ATP9A: variants seen among roughly 807,000 people sequenced by gnomAD.
The protein encoded by ATP9A is ATPase phospholipid transporting 9A.
In ATP9A, 52 loss-of-function variants were observed where a neutral mutation model predicts 144.1. The observed-to-expected ratio is 0.36, with a 90% CI of 0.29 to 0.45. The LOEUF is 0.45. ATP9A is among the 20% of genes least tolerant of loss of function. The pLI, the probability that ATP9A is intolerant of heterozygous loss-of-function variation, is 1.00. For missense variants in ATP9A, 947 were observed against 1,392.7 expected (o/e 0.68, Z 5.09); for synonymous variants, 582 against 557.4 (o/e 1.04, Z -0.62).
At chr20:51,648,408 G>C (rs564348116) in intron 14 of ATP9A, among the ~76,000 whole-genome samples, 1 of 152,190 alleles carries the variant, frequency 6.6e-6, no homozygotes, top group Non-Finnish European at 1.5e-5. Context: ...CAGAGAGAAG[G>C]TGGAAGGCAA....
chr20:51,624,104 G>A (rs531561894), intron 18 of ATP9A, among the ~76,000 whole-genome samples: 8 of 152,318 alleles, frequency 5.3e-5, no homozygotes, highest in East Asian at 1.9e-4. Flanking sequence ...GGCCTCCAGC[G>A]GCCAGACTTC....
chr20:51,678,911 CAGTG>C (rs2122799017), intron 9 of ATP9A, among the ~76,000 whole-genome samples: 1 of 152,342 alleles, frequency 6.6e-6, no homozygotes, highest in East Asian at 1.9e-4. Context: ...GCCTCATCCT[CAGTG>C]AGACCACCAA....
chr20:51,713,140 T>G, intron 3 of ATP9A, 66 bp from the exon 4 acceptor site: 1 of 1,455,978 alleles, frequency 6.9e-7, no homozygotes, highest in Non-Finnish European at 9.4e-7. Flanking sequence ...AACCGTCCCC[T>G]CCTGGTGCCA....
intron 1 of ATP9A, among the ~76,000 whole-genome samples, chr20:51,733,390 T>C (rs77112045): frequency 6.6e-6 from 1 of 151,956 alleles, no homozygotes; most frequent in African/African-American, 2.4e-5. Flanking sequence ...TTTTTTTTTT[T>C]CCAGACAGAG....
intron 23 of ATP9A, among the ~76,000 whole-genome samples, chr20:51,613,425 C>T (rs995919281): frequency 2.0e-5 from 3 of 152,228 alleles, no homozygotes; most frequent in Admixed American, 6.5e-5. Flanking sequence ...TGACCAGCAC[C>T]GCTTAACAGG....
At chr20:51,713,616 T>C (rs551430206) in intron 3 of ATP9A, among the ~76,000 whole-genome samples, 2 of 152,332 alleles carry the variant, frequency 1.3e-5, no homozygotes, top group Non-Finnish European at 2.9e-5. Context: ...TCTTAATCTT[T>C]ACTGCCACTG....
At chr20:51,607,692 G>C in intron 25 of ATP9A, 108 bp from the exon 26 acceptor site, 1 of 794,848 alleles carries the variant, frequency 1.3e-6, no homozygotes, top group South Asian at 1.5e-5. Context: ...CAACCCATCT[G>C]TCTTCATCAA....
chr20:51,667,430 T>C (rs755048628), intron 13 of ATP9A, among the ~76,000 whole-genome samples: 25 of 152,072 alleles, frequency 1.6e-4, no homozygotes, highest in Non-Finnish European at 4.4e-5. Context: ...TGGGTGCTGA[T>C]ATGCATGACA....
intron 1 of ATP9A, among the ~76,000 whole-genome samples, chr20:51,741,106 T>C (rs1391379781): frequency 7.9e-6 from 1 of 127,336 alleles, no homozygotes; most frequent in Non-Finnish European, 1.8e-5. Flanking sequence ...CCACACTGAG[T>C]GCTCCATAGC....
chr20:51,676,108 T>C (rs1332729138), intron 10 of ATP9A, 24 bp downstream of exon 10: 2 of 1,591,774 alleles, frequency 1.3e-6, no homozygotes, highest in East Asian at 2.2e-5. Context: ...AGCCGGTCAA[T>C]GTACCCCATG....
intron 9 of ATP9A, among the ~76,000 whole-genome samples, chr20:51,688,362 G>A (rs926420719): frequency 6.6e-6 from 1 of 152,186 alleles, no homozygotes; most frequent in African/African-American, 2.4e-5. Context: ...GGAGGCTGAG[G>A]TGGGTGGATC....
intron 9 of ATP9A, among the ~76,000 whole-genome samples, chr20:51,677,485 T>C (rs1292948529): frequency 6.6e-6 from 1 of 152,178 alleles, no homozygotes; most frequent in Non-Finnish European, 1.5e-5. Flanking sequence ...AATGCTGGTC[T>C]ACGGGGCCCA....
intron 1 of ATP9A, among the ~76,000 whole-genome samples, chr20:51,745,047 G>C (rs920193489): frequency 2.6e-5 from 4 of 151,992 alleles, no homozygotes; most frequent in Non-Finnish European, 5.9e-5. Flanking sequence ...AGGCCAAGGC[G>C]GGTGGATCAA....
intron 14 of ATP9A, among the ~76,000 whole-genome samples, chr20:51,645,474 C>T (rs1360417104): frequency 6.6e-6 from 1 of 152,038 alleles, no homozygotes; most frequent in South Asian, 2.1e-4. Flanking sequence ...GAGCCAAGAT[C>T]GCGCCTGGGC....
At chr20:51,752,571 G>A (rs1429062743) in intron 1 of ATP9A, among the ~76,000 whole-genome samples, 1 of 152,178 alleles carries the variant, frequency 6.6e-6, no homozygotes, top group African/African-American at 2.4e-5. Flanking sequence ...TGAGTGTGTA[G>A]AGATCTGGAT....
At chr20:51,747,403 C>T (rs918222344) in intron 1 of ATP9A, among the ~76,000 whole-genome samples, 2 of 151,970 alleles carry the variant, frequency 1.3e-5, no homozygotes, top group Admixed American at 6.6e-5. Context: ...CAGGGCAACA[C>T]CCCGGAAATG....
intron 4 of ATP9A, among the ~76,000 whole-genome samples, chr20:51,702,142 A>G (rs1422692464): frequency 1.3e-5 from 2 of 152,014 alleles, no homozygotes; most frequent in African/African-American, 2.4e-5. Context: ...CACTAAAAAT[A>G]TATAAAATTA....
intron 1 of ATP9A, among the ~76,000 whole-genome samples, chr20:51,736,619 A>C (rs1319066033): frequency 2.0e-5 from 3 of 151,244 alleles, no homozygotes; most frequent in Admixed American, 2.0e-4. Context: ...CTTCCCTGAG[A>C]GCTGGGATTA....
Position 51,674,297 on chromosome 20 carries a change from A to C in ATP9A, c.893T>G (p.Leu298Trp), listed in dbSNP as rs752039313. The change falls in exon 11 of 28, where the codon TTG (leucine) becomes TGG (tryptophan). Residue 298 changes from leucine to tryptophan, a missense_variant. Transcript: ENST00000338821. ...GATCTTGGTGAGGCAGTTCACTTCC[A>C]AGTCGAACAGGCCGATCTGTGGGAC... The part of the protein sequence containing the change: ...NPRSKIGLFD[L>W]EVNCLTKILF... 12 of 1,613,528 alleles carry C rather than the reference A, an allele frequency of 7.4e-6. No individual in the cohort carries two copies. The highest frequency in any genetic ancestry group is 1.0e-5 in the Non-Finnish European group (12 of 1,179,964).
Sources: allele counts gnomAD v4.1 joint callset (sites outside exome capture counted in the v4.1 genomes callset), GRCh38; gene constraint gnomAD v4.1.1; transcripts MANE v1.5; gene names NCBI Gene and HGNC (gene_info 2026-07-23, HGNC 2026-07-21).